LOXHD1: variants seen among roughly 807,000 people sequenced by gnomAD.
LOXHD1 encodes lipoxygenase homology PLAT domains 1, also known as lipoxygenase homology domain-containing protein 1.
Under a neutral mutation model 248.2 loss-of-function variants are expected in LOXHD1, and 205 were observed. That is an observed-to-expected ratio of 0.83 (90% CI 0.74 to 0.93). The LOEUF (loss-of-function observed/expected upper bound fraction) is 0.93, where lower values mean the gene tolerates loss of function less well. Ranked by LOEUF, LOXHD1 falls within the 40% of genes least tolerant of loss-of-function variation. The pLI, the probability that LOXHD1 is intolerant of heterozygous loss-of-function variation, is 0.00. For missense variants in LOXHD1, 2,930 were observed against 2,971.6 expected, an observed-to-expected ratio of 0.99 and a Z score of 0.33; for synonymous variants, 1,113 against 1,162.8, an observed-to-expected ratio of 0.96 and a Z score of 0.87.
intron 37 of LOXHD1, 46 bp from the exon 38 acceptor site, chr18:46,489,188 C>T (rs906352690): frequency 1.3e-6 from 2 of 1,543,770 alleles, no homozygotes; most frequent in Admixed American, 2.0e-5. Flanking sequence ...TGTGCCTTCC[C>T]TCCCCTTTCA....
At position 46,618,229 on chromosome 18, in the gene LOXHD1, A is replaced by C; in HGVS notation, c.573T>G (p.Asp191Glu). 1 of 1,551,542 alleles carries C rather than the reference A, an allele frequency of 6.4e-7. No homozygotes were observed. The highest frequency in any genetic ancestry group is 8.7e-7 in the Non-Finnish European group (1 of 1,146,828). ...GDVIGAGTDA[D>E]VFINIFGEYG... ...ACTCTCCAAAAATATTGATGAAGACATCAGCATCTGTCCCTGCACCAATTA... is the reference window on the plus strand; with the variant it reads ...ACTCTCCAAAAATATTGATGAAGACCTCAGCATCTGTCCCTGCACCAATTA... The change falls in exon 5 of 41, where the codon GAT becomes GAG. Residue 191 changes from aspartate (D) to glutamate (E), a missense_variant. Coordinates refer to ENST00000642948, the MANE Select transcript of LOXHD1 (RefSeq NM_001384474.1).
intron 12 of LOXHD1, among the ~76,000 whole-genome samples, chr18:46,580,875 T>C (rs2037948364): frequency 6.6e-6 from 1 of 152,090 alleles, no homozygotes. Flanking sequence ...GCCTGATGTA[T>C]GTTCCAGGAG....
At chr18:46,530,339 G>GT (rs2036008081) in intron 28 of LOXHD1, among the ~76,000 whole-genome samples, 1 of 152,246 alleles carries the variant, frequency 6.6e-6, no homozygotes, top group Non-Finnish European at 1.5e-5. Context: ...ATAGGGAAGT[G>GT]ACAGCTGGGC....
chr18:46,515,868 T>A (rs1168293657), intron 34 of LOXHD1, among the ~76,000 whole-genome samples: 1 of 152,272 alleles, frequency 6.6e-6, no homozygotes, highest in East Asian at 1.9e-4. Flanking sequence ...GGCCCCCAGC[T>A]TCCCTATTTT....
chr18:46,481,474 C>A (rs1389269847), intron 40 of LOXHD1, among the ~76,000 whole-genome samples: 1 of 152,184 alleles, frequency 6.6e-6, no homozygotes, highest in East Asian at 1.9e-4. Context: ...TAGGCTGACA[C>A]CCCTGCCATC....
rs539374058 is a variant in LOXHD1 at position 46,560,945 on chromosome 18, T to C, written c.2599-400A>G. On this transcript the variant is annotated intron_variant, in intron 18 of 40. Transcript: ENST00000642948. ...GCCTGCCTTTATCCCCCTCCTCTAC[T>C]TGCAGCTAAAATCTATTCATTCAGG... is the stretch of plus-strand genomic sequence containing the variant. Among the ~76,000 whole-genome samples, 4 of 152,304 alleles carry C rather than the reference T, an allele frequency of 2.6e-5. No homozygotes were observed. In the South Asian group the frequency reaches 6.2e-4, roughly 24 times the overall value.
At chr18:46,598,754 ATTTC>A (rs780404547) in intron 8 of LOXHD1, among the ~76,000 whole-genome samples, 4 of 152,268 alleles carry the variant, frequency 2.6e-5, no homozygotes, top group Non-Finnish European at 5.9e-5. Flanking sequence ...CAGACATGCA[ATTTC>A]TTTATCACAA....
rs1263003993 is a variant in LOXHD1 at position 46,477,924 on chromosome 18, G to A, written c.6370C>T (p.Pro2124Ser). 7.1e-6 allele frequency: 11 copies of A among 1,550,172 alleles called. No homozygotes were observed. The East Asian group carries it at 9.8e-5, about 14-fold the overall frequency. ...AAGTACTTCCTCTTCCTCTTGAGGG[G>A]GATGAGGCAGTCACAGTTAAAGAAG... Reference protein sequence around the residue: ...VYFFNCDCLIPLKRKRKYFKV... With the variant: ...VYFFNCDCLISLKRKRKYFKV... The change falls in exon 41 of 41, where the codon CCC becomes TCC. Residue 2124 changes from proline (P) to serine (S), a missense_variant. Transcript: ENST00000642948.
intron 3 of LOXHD1, among the ~76,000 whole-genome samples, chr18:46,641,486 A>G (rs2038962467): frequency 6.6e-6 from 1 of 152,212 alleles, no homozygotes; most frequent in Non-Finnish European, 1.5e-5. Flanking sequence ...AGGACTTGGT[A>G]TCTCTACCAC....
chr18:46,647,664 A>G (rs116823809), intron 2 of LOXHD1, among the ~76,000 whole-genome samples: 66 of 152,286 alleles, frequency 4.3e-4, no homozygotes, highest in African/African-American at 1.6e-3. Flanking sequence ...GAAGGCAGGT[A>G]CCCTGTTCTG....
intron 16 of LOXHD1, among the ~76,000 whole-genome samples, chr18:46,568,366 C>T (rs1319816220): frequency 6.6e-6 from 1 of 152,192 alleles, no homozygotes; most frequent in Non-Finnish European, 1.5e-5. Flanking sequence ...AGATTCTCAC[C>T]TTGGCCAAAC....
At chr18:46,618,338 A>G in intron 4 of LOXHD1, 48 bp from the exon 5 acceptor site, 1 of 1,310,740 alleles carries the variant, frequency 7.6e-7, no homozygotes, top group South Asian at 1.3e-5. Flanking sequence ...GATCCTGAAA[A>G]GAGAATAGAG....
chr18:46,562,384 T>A (rs937751628), intron 18 of LOXHD1, among the ~76,000 whole-genome samples: 1 of 152,160 alleles, frequency 6.6e-6, no homozygotes. Flanking sequence ...TGCACACACA[T>A]TGTCATATCT....
intron 4 of LOXHD1, among the ~76,000 whole-genome samples, chr18:46,638,354 G>A (rs575265508): frequency 8.5e-5 from 13 of 152,280 alleles, no homozygotes; most frequent in African/African-American, 2.2e-4. Flanking sequence ...ATCAATGGCC[G>A]GGCACGGTGG....
At chr18:46,584,270 T>A (rs2144178745) in intron 12 of LOXHD1, among the ~76,000 whole-genome samples, 1 of 152,188 alleles carries the variant, frequency 6.6e-6, no homozygotes, top group South Asian at 2.1e-4. Flanking sequence ...GATCAATGGG[T>A]ACAAAGTTAC....
intron 21 of LOXHD1, among the ~76,000 whole-genome samples, chr18:46,547,630 G>A (rs1212537461): frequency 2.0e-5 from 3 of 152,102 alleles, no homozygotes; most frequent in African/African-American, 4.8e-5. Flanking sequence ...GAGGTGCCTG[G>A]ACAGAGTGAA....
At chr18:46,553,222 G>GGAA (rs2037180198) in intron 21 of LOXHD1, among the ~76,000 whole-genome samples, 1 of 152,208 alleles carries the variant, frequency 6.6e-6, no homozygotes, top group South Asian at 2.1e-4. Flanking sequence ...ATTGCCAAGG[G>GGAA]GAAAGAACTA....
chr18:46,607,335 ATACATG>A (rs1002920110), intron 6 of LOXHD1, among the ~76,000 whole-genome samples: 1 of 150,434 alleles, frequency 6.6e-6, no homozygotes, highest in African/African-American at 2.4e-5. Context: ...ATGTGCATAT[ATACATG>A]TACATATACA....
chr18:46,505,810 C>T (rs1343503389), intron 37 of LOXHD1, 28 bp downstream of exon 37: 2 of 1,551,100 alleles, frequency 1.3e-6, no homozygotes, highest in Non-Finnish European at 8.7e-7. Context: ...GCTGCCCTCC[C>T]ACCAACCTGG....
Sources: allele counts gnomAD v4.1 joint callset (sites outside exome capture counted in the v4.1 genomes callset), GRCh38; gene constraint gnomAD v4.1.1; transcripts MANE v1.5; gene names NCBI Gene and HGNC (gene_info 2026-07-23, HGNC 2026-07-21).